Variants in SLCO3A1 observed in about 807,000 individuals in gnomAD.
SLCO3A1 encodes the protein PGE1 transporter.
In SLCO3A1, 27 loss-of-function variants were observed where a neutral mutation model predicts 63.1. The observed-to-expected ratio is 0.43, with a 90% CI of 0.32 to 0.59. The LOEUF is 0.59. Among genes scored for constraint, SLCO3A1 ranks in the 20% least tolerant of loss-of-function variants. The probability of loss-of-function intolerance (pLI) is 0.09; values close to 1 mark genes in which losing one functional copy is unlikely to be tolerated. For missense variants in SLCO3A1, 773 were observed against 945.8 expected (o/e 0.82, Z 2.40); for synonymous variants, 473 against 409.9 (o/e 1.15, Z -1.86).
chr15:91,969,661 T>G (rs16946183), intron 2 of SLCO3A1, among the ~76,000 whole-genome samples: 1 of 152,036 alleles, frequency 6.6e-6, no homozygotes, highest in Admixed American at 6.5e-5. Context: ...AATCTCCTTT[T>G]ACTTCATAAC....
intron 2 of SLCO3A1, among the ~76,000 whole-genome samples, chr15:91,983,678 CTG>C (rs2046015047): frequency 6.6e-6 from 1 of 152,074 alleles, no homozygotes; most frequent in Non-Finnish European, 1.5e-5. Context: ...GACTGTAACT[CTG>C]TGAAAATCAG....
chr15:92,006,641 GACA>G (rs917270423), intron 2 of SLCO3A1, among the ~76,000 whole-genome samples: 15 of 152,226 alleles, frequency 9.9e-5, no homozygotes, highest in African/African-American at 2.6e-4. Flanking sequence ...GGAAAAAAAC[GACA>G]ACAATTTCCT....
At chr15:92,014,648 T>TA (rs1195776399) in intron 2 of SLCO3A1, among the ~76,000 whole-genome samples, 3 of 152,160 alleles carry the variant, frequency 2.0e-5, no homozygotes, top group Admixed American at 6.5e-5. Flanking sequence ...CACTTGCCTT[T>TA]AAAAATCAAA....
At chr15:91,945,272 G>C (rs1899764691) in intron 2 of SLCO3A1, among the ~76,000 whole-genome samples, 1 of 151,492 alleles carries the variant, frequency 6.6e-6, no homozygotes, top group African/African-American at 2.4e-5. Flanking sequence ...AACCTGGGAG[G>C]CTGAGGTTGC....
intron 2 of SLCO3A1, among the ~76,000 whole-genome samples, chr15:91,975,195 GT>G (rs1256841450): frequency 6.6e-6 from 1 of 152,232 alleles, no homozygotes; most frequent in East Asian, 1.9e-4. Flanking sequence ...AGAGTGTCAT[GT>G]TCTAGAGCTG....
At chr15:91,987,929 A>G (rs939170739) in intron 2 of SLCO3A1, among the ~76,000 whole-genome samples, 4 of 151,966 alleles carry the variant, frequency 2.6e-5, no homozygotes, top group African/African-American at 9.7e-5. Flanking sequence ...GGCCACGTGG[A>G]GGATGTGGGA....
At chr15:92,110,074 G>A (rs1010336569) in intron 4 of SLCO3A1, among the ~76,000 whole-genome samples, 4 of 152,136 alleles carry the variant, frequency 2.6e-5, no homozygotes, top group Non-Finnish European at 4.4e-5. Context: ...TCTGAGAAAC[G>A]TACACTTCTG....
At chr15:91,880,098 T>TGTCC (rs61664916) in intron 1 of SLCO3A1, among the ~76,000 whole-genome samples, 2,356 of 97,826 alleles carry the variant, frequency 0.024, 43 homozygotes, top group Non-Finnish European at 0.037. Context: ...CTTGTATGTG[T>TGTCC]GTCCGTCCGT....
chr15:91,932,741 C>G (rs1027153118), intron 2 of SLCO3A1, among the ~76,000 whole-genome samples: 1 of 152,232 alleles, frequency 6.6e-6, no homozygotes, highest in African/African-American at 2.4e-5. Context: ...CCGTGCCCGG[C>G]CTATTTGCAG....
At chr15:92,158,273 C>T (rs1055851297) in intron 9 of SLCO3A1, among the ~76,000 whole-genome samples, 2 of 152,162 alleles carry the variant, frequency 1.3e-5, no homozygotes, top group Non-Finnish European at 2.9e-5. Flanking sequence ...CCAGTTACGC[C>T]AGGAGCTTAG....
At chr15:92,167,400 AGAG>A (rs1370477022), downstream of SLCO3A1, among the ~76,000 whole-genome samples, 1 of 152,230 alleles carries the variant, frequency 6.6e-6, no homozygotes, top group Non-Finnish European at 1.5e-5. Context: ...CTTTTCCAAG[AGAG>A]GGTGCTAGTG....
At chr15:91,907,285 C>T (rs1156316275) in intron 1 of SLCO3A1, among the ~76,000 whole-genome samples, 1 of 151,978 alleles carries the variant, frequency 6.6e-6, no homozygotes, top group Non-Finnish European at 1.5e-5. Flanking sequence ...CAGCTCACTG[C>T]ACCTCTGCCA....
rs1252694881 is a variant in SLCO3A1 at position 91,875,827 on chromosome 15, A to G, written c.180+21739A>G. On this transcript the variant is annotated intron_variant, in intron 1 of 9. Coordinates refer to ENST00000318445, the MANE Select transcript of SLCO3A1 (RefSeq NM_013272.4). This position sits in a 1 kb window ranked among gnomAD's most constrained non-coding sequence, Gnocchi z 4.5. Reference sequence around the variant, plus strand: ...TTTGTAAGTCAACTTTTATTGGAACACAGCCATGCTGATTTATGTATATAT... The same window carrying G: ...TTTGTAAGTCAACTTTTATTGGAACGCAGCCATGCTGATTTATGTATATAT... Among the ~76,000 whole-genome samples the G allele has an allele frequency of 6.6e-6, 1 of 152,256 alleles. No individual in the cohort carries two copies. The highest frequency in any genetic ancestry group is 1.5e-5 in the Non-Finnish European group (1 of 68,046).
rs72116786 is a variant in SLCO3A1, at chr15:91,891,140, GAA to G, written c.181-24839_181-24838del. Among the ~76,000 whole-genome samples the G allele has an allele frequency of 6.8e-3, 963 of 141,928 alleles. 11 individuals are homozygous for G. Among genetic ancestry groups the G allele is most frequent in the African/African-American group, 0.02 (803 of 39,610 alleles). The allele number at this position is 141,928 out of a possible 152,430, so 93.1% of individuals were successfully genotyped here. A position where few individuals can be genotyped will look rare whatever the true frequency, so the allele number is the denominator to read the frequency against. ...GAACTTGGTATTTATTGGCATTTTGGAAAAAAAAAAAAAAAGAGTGATAGAAC... is the reference window on the plus strand; with the variant it reads ...GAACTTGGTATTTATTGGCATTTTGGAAAAAAAAAAAAAGAGTGATAGAAC... On this transcript the variant is annotated intron_variant, in intron 1 of 9. Transcript: ENST00000318445.
intron 1 of SLCO3A1, among the ~76,000 whole-genome samples, chr15:91,889,399 T>A (rs1897814708): frequency 6.6e-6 from 1 of 152,240 alleles, no homozygotes; most frequent in South Asian, 2.1e-4. Flanking sequence ...ACACTGCCTC[T>A]TCTTACATCC....
At chr15:92,023,008 G>T (rs991551622) in intron 2 of SLCO3A1, among the ~76,000 whole-genome samples, 1 of 152,176 alleles carries the variant, frequency 6.6e-6, no homozygotes, top group African/African-American at 2.4e-5. Context: ...CAACTGAGTG[G>T]ATGGTTATGC....
At chr15:92,124,246 C>T (rs2047895552) in intron 5 of SLCO3A1, among the ~76,000 whole-genome samples, 1 of 152,196 alleles carries the variant, frequency 6.6e-6, no homozygotes, top group African/African-American at 2.4e-5. Flanking sequence ...AGGACTCAAT[C>T]TGCATAGGTT....
intron 2 of SLCO3A1, among the ~76,000 whole-genome samples, chr15:92,076,996 G>A (rs867119918): frequency 3.2e-4 from 49 of 152,172 alleles, no homozygotes; most frequent in South Asian, 8.3e-4. Context: ...GAAAGCATCA[G>A]GAAACTTACA....
intron 2 of SLCO3A1, among the ~76,000 whole-genome samples, chr15:92,016,556 A>AG (rs2046440560): frequency 6.6e-6 from 1 of 152,192 alleles, no homozygotes; most frequent in Admixed American, 6.5e-5. Flanking sequence ...GGAGGTAGGT[A>AG]GTGTGCAGCA....
Sources: gnomAD v4.1 joint callset for allele counts (sites outside exome capture counted in the v4.1 genomes callset) on GRCh38, gnomAD v4.1.1 for gene constraint, Gnocchi (gnomAD v3.1) non-coding constraint, MANE v1.5 for transcripts, NCBI Gene and HGNC (gene_info 2026-07-23, HGNC 2026-07-21) for gene names.